Variants in LHPP observed in about 807,000 individuals in gnomAD.
The protein encoded by LHPP is hLHPP.
Under a neutral mutation model 30.3 loss-of-function variants are expected in LHPP, and 24 were observed. That is an observed-to-expected ratio of 0.79 (90% CI 0.57 to 1.11). LHPP has a LOEUF of 1.11. Ranked by LOEUF, LHPP falls within the 50% of genes most tolerant of loss-of-function variation. LHPP has a pLI of 0.00. For missense variants in LHPP, 356 were observed against 367.2 expected, an observed-to-expected ratio of 0.97 and a Z score of 0.25; for synonymous variants, 150 against 157.1, an observed-to-expected ratio of 0.95 and a Z score of 0.34.
intron 6 of LHPP, among the ~76,000 whole-genome samples, chr10:124,581,100 T>G (rs1297836338): frequency 6.6e-6 from 1 of 152,270 alleles, no homozygotes; most frequent in Non-Finnish European, 1.5e-5. Flanking sequence ...AATACTCATC[T>G]GCTTTCTGCC....
At chr10:124,562,564 A>G (rs1010648592) in intron 6 of LHPP, among the ~76,000 whole-genome samples, 1 of 152,196 alleles carries the variant, frequency 6.6e-6, no homozygotes, top group African/African-American at 2.4e-5. Context: ...AAATAAGCAC[A>G]TAAAAAGATG....
chr10:124,477,431 G>A (rs1407141735), intron 1 of LHPP, among the ~76,000 whole-genome samples: 6 of 152,156 alleles, frequency 3.9e-5, no homozygotes, highest in African/African-American at 1.4e-4. Flanking sequence ...CCAGAGGCAG[G>A]AGCAGGCTGG....
At chr10:124,563,305 C>CTATTT (rs1948428397) in intron 6 of LHPP, among the ~76,000 whole-genome samples, 2 of 28,220 alleles carry the variant, frequency 7.1e-5, no homozygotes, top group South Asian at 1.8e-3. Context: ...ATCTCTCTCT[C>CTATTT]TCTTTTTCTT....
chr10:124,550,727 G>A lies in LHPP; in HGVS notation c.716+33456G>A, dbSNP rs558503415. ...ATAGACTCACTTCCCCTCTCCAGGCGGCGATTCCGGAAAGGAGGCTCTGGA... is the reference window on the plus strand; with the variant it reads ...ATAGACTCACTTCCCCTCTCCAGGCAGCGATTCCGGAAAGGAGGCTCTGGA... On this transcript the variant is annotated intron_variant, in intron 6 of 6. Transcript: ENST00000368842. 7.1e-4 allele frequency among the ~76,000 whole-genome samples: 108 copies of A among 152,332 alleles called. 2 individuals carry two copies. In the South Asian group the frequency reaches 0.015, roughly 21 times the overall value.
intron 6 of LHPP, among the ~76,000 whole-genome samples, chr10:124,612,323 T>C (rs1203085890): frequency 6.6e-6 from 1 of 152,084 alleles, no homozygotes; most frequent in Admixed American, 6.6e-5. Context: ...GAGAATCGCT[T>C]GAAACTGGGA....
At chr10:124,554,079 T>A (rs113414305) in intron 6 of LHPP, 1 of 985,420 alleles carries the variant, frequency 1.0e-6, no homozygotes. Flanking sequence ...GTGGTCAGCC[T>A]GGGCTGCCTG....
Position 124,462,615 on chromosome 10 carries a change from C to T in LHPP, c.125+628C>T, listed in dbSNP as rs117306148. 7.0e-3 allele frequency among the ~76,000 whole-genome samples: 1,066 copies of T among 152,246 alleles called. 4 individuals carry two copies. Among genetic ancestry groups the T allele is most frequent in the Non-Finnish European group, 9.5e-3 (644 of 68,012 alleles). On this transcript the variant is annotated intron_variant, in intron 1 of 6. Coordinates refer to ENST00000368842, the MANE Select transcript of LHPP (RefSeq NM_022126.4). ...CTCATAAACAAAACCCCCAAAAACA[C>T]CAGACTTCGTGAGTAAAATGTAAAA...
At position 124,592,072 on chromosome 10, in the gene LHPP, A is replaced by G. The variant is rs959134327; in HGVS notation, c.717-21192A>G. Among the ~76,000 whole-genome samples the G allele has an allele frequency of 6.6e-6, 1 of 152,212 alleles. No homozygotes were observed. Among genetic ancestry groups the G allele is most frequent in the Non-Finnish European group, 1.5e-5 (1 of 68,042 alleles). On this transcript the variant is annotated intron_variant, in intron 6 of 6. Coordinates refer to ENST00000368842, the MANE Select transcript of LHPP (RefSeq NM_022126.4). This position sits in a 1 kb window ranked among gnomAD's most constrained non-coding sequence, Gnocchi z 6.2. ...AGCAAGTAAAATTAGTTAGGAAATCAAATATTGGGGTTGGGGAACAATAAG... is the reference window on the plus strand; with the variant it reads ...AGCAAGTAAAATTAGTTAGGAAATCGAATATTGGGGTTGGGGAACAATAAG...
chr10:124,462,045 T>C (rs1952413591), intron 1 of LHPP, 58 bp downstream of exon 1: 2 of 1,163,800 alleles, frequency 1.7e-6, no homozygotes, highest in Non-Finnish European at 2.1e-6. Context: ...GCCCGCTCCC[T>C]GGCTGCCGGC....
intron 5 of LHPP, chr10:124,498,543 C>T (rs1435188345): frequency 3.0e-6 from 4 of 1,331,998 alleles, no homozygotes; most frequent in Non-Finnish European, 4.0e-6. Flanking sequence ...GATAGATTGC[C>T]TTTCAAACTT....
At chr10:124,608,689 G>A (rs1216743135) in intron 6 of LHPP, among the ~76,000 whole-genome samples, 1 of 146,418 alleles carries the variant, frequency 6.8e-6, no homozygotes, top group Non-Finnish European at 1.5e-5. Context: ...CTCGCTCAGA[G>A]GGACCCCCAC....
At position 124,590,537 on chromosome 10, in the gene LHPP, C is replaced by T. The variant is rs915218975; in HGVS notation, c.717-22727C>T. On this transcript the variant is annotated intron_variant, in intron 6 of 6. Transcript: ENST00000368842. The surrounding 1 kb of genome is among the most constrained non-coding windows in gnomAD (Gnocchi z 4.3). ...TCTCCTGCCAAGCCCCCACCCAGCA[C>T]CTGTCCCTTGTGTCATGACTGGACT... 5.9e-5 allele frequency among the ~76,000 whole-genome samples: 9 copies of T among 151,840 alleles called. No homozygotes were observed. The highest frequency in any genetic ancestry group is 2.2e-4 in the African/African-American group (9 of 41,406).
intron 6 of LHPP, among the ~76,000 whole-genome samples, chr10:124,575,469 C>G (rs1326430223): frequency 2.6e-5 from 4 of 152,186 alleles, no homozygotes; most frequent in Non-Finnish European, 5.9e-5. Flanking sequence ...ACCCGGTTCT[C>G]TCTCTGCAGG....
chr10:124,606,375 C>T (rs1949093354), intron 6 of LHPP, among the ~76,000 whole-genome samples: 1 of 152,192 alleles, frequency 6.6e-6, no homozygotes, highest in African/African-American at 2.4e-5. Flanking sequence ...TGCCCCACTC[C>T]CTCTCCCATC....
chr10:124,535,587 T>TG lies in LHPP; in HGVS notation c.716+18317dup, dbSNP rs397760588. ...ATTAAAAAAACATTTTTTTTTTTTT[T>TG]GTAGAGACAAAGCTGTTGCTATGTT... is the stretch of plus-strand genomic sequence containing the variant. On this transcript the variant is annotated intron_variant, in intron 6 of 6. Coordinates refer to ENST00000368842, the MANE Select transcript of LHPP (RefSeq NM_022126.4). 9.2e-5 allele frequency among the ~76,000 whole-genome samples: 14 copies of TG among 151,898 alleles called. No individual in the cohort carries two copies. The East Asian group carries it at 1.2e-3, about 13-fold the overall frequency.
At chr10:124,611,280 G>A (rs1013818778) in intron 6 of LHPP, among the ~76,000 whole-genome samples, 1 of 152,054 alleles carries the variant, frequency 6.6e-6, no homozygotes, top group African/African-American at 2.4e-5. Flanking sequence ...AGGGCTGGGA[G>A]TAGAACTCAG....
chr10:124,502,097 A>G (rs77443876), intron 5 of LHPP, among the ~76,000 whole-genome samples: 34,220 of 151,920 alleles, frequency 0.23, 4,102 homozygotes, highest in Middle Eastern at 0.37. Flanking sequence ...AGTTGCAAAC[A>G]TAGTACAAAA....
chr10:124,604,926 G>T (rs1949072604), intron 6 of LHPP, among the ~76,000 whole-genome samples: 2 of 152,236 alleles, frequency 1.3e-5, no homozygotes, highest in South Asian at 4.1e-4. Context: ...GAGGCGGGTG[G>T]GCCACCGACT....
chr10:124,582,559 T>TA (rs71026101), intron 6 of LHPP, among the ~76,000 whole-genome samples: 27,516 of 152,196 alleles, frequency 0.18, 2,654 homozygotes, highest in Non-Finnish European at 0.2. Flanking sequence ...AATCTGTATA[T>TA]ACCTTTGACT....
Sources: allele counts gnomAD v4.1 joint callset (sites outside exome capture counted in the v4.1 genomes callset), GRCh38; gene constraint gnomAD v4.1.1; non-coding constraint Gnocchi (gnomAD v3.1); transcripts MANE v1.5; gene names NCBI Gene and HGNC (gene_info 2026-07-23, HGNC 2026-07-21).